Variants in GALNT2 observed in about 807,000 individuals in gnomAD.
GALNT2 encodes UDP-GalNAc:polypeptide N-acetylgalactosaminyltransferase 2.
Under a neutral mutation model 81.4 loss-of-function variants are expected in GALNT2, and 31 were observed. That is an observed-to-expected ratio of 0.38 (90% CI 0.29 to 0.51). GALNT2 has a LOEUF of 0.51. GALNT2 is among the 20% of genes least tolerant of loss of function. The probability of loss-of-function intolerance (pLI) is 0.87; values close to 1 mark genes in which losing one functional copy is unlikely to be tolerated. For synonymous variants in GALNT2, 303 were observed against 287.4 expected (o/e 1.05, Z -0.55); for missense variants, 629 against 765.7 (o/e 0.82, Z 2.11).
chr1:230,158,909 C>T (rs1662344761), intron 1 of GALNT2, among the ~76,000 whole-genome samples: 1 of 149,844 alleles, frequency 6.7e-6, no homozygotes, highest in Admixed American at 6.6e-5. Context: ...GAACCTTGGA[C>T]CTAGTGTGTC....
rs1358334705 is a variant in GALNT2 at position 230,243,528 on chromosome 1, C to T, written c.729+101C>T. 9.7e-6 allele frequency: 14 copies of T among 1,441,040 alleles called. No homozygotes were observed. Among genetic ancestry groups the T allele is most frequent in the South Asian group, 1.3e-5 (1 of 74,878 alleles). The allele number at this position is 1,441,040 out of a possible 1,614,324, so 89.3% of individuals were successfully genotyped here. On this transcript the variant is annotated intron_variant, in intron 7 of 15. Coordinates refer to ENST00000366672, the MANE Select transcript of GALNT2 (RefSeq NM_004481.5). This position sits in a 1 kb window ranked among gnomAD's most constrained non-coding sequence, Gnocchi z 4.2. ...GGGAGGTGTAACGCAGGGAGTAGGG[C>T]GTCAGGGCTGGTAGGGGCTGAGCTC...
intron 2 of GALNT2, among the ~76,000 whole-genome samples, chr1:230,188,268 A>G (rs1283687108): frequency 2.6e-5 from 4 of 152,198 alleles, no homozygotes; most frequent in African/African-American, 9.7e-5. Context: ...TTATTGTTTT[A>G]ACTCTATTTC....
At chr1:230,136,531 C>T (rs1055862032) in intron 1 of GALNT2, among the ~76,000 whole-genome samples, 3 of 152,168 alleles carry the variant, frequency 2.0e-5, no homozygotes, top group African/African-American at 7.2e-5. Context: ...CCTCACTGCC[C>T]CCCATCCAGA....
At chr1:230,082,841 G>C (rs1366418528) in intron 1 of GALNT2, among the ~76,000 whole-genome samples, 1 of 152,216 alleles carries the variant, frequency 6.6e-6, no homozygotes, top group Non-Finnish European at 1.5e-5. Flanking sequence ...GACAGCTGTG[G>C]ATGGAGCAGG....
At chr1:230,136,534 C>T (rs1180644240) in intron 1 of GALNT2, among the ~76,000 whole-genome samples, 1 of 152,202 alleles carries the variant, frequency 6.6e-6, no homozygotes, top group Non-Finnish European at 1.5e-5. Context: ...CACTGCCCCC[C>T]ATCCAGAGCC....
chr1:230,104,233 A>G (rs1660477500), intron 1 of GALNT2, among the ~76,000 whole-genome samples: 1 of 152,174 alleles, frequency 6.6e-6, no homozygotes, highest in Non-Finnish European at 1.5e-5. Flanking sequence ...TTTATTTGGC[A>G]TAGAGCTCCC....
chr1:230,193,443 A>C lies in GALNT2; in HGVS notation c.221-9694A>C, dbSNP rs900539726. 1.3e-5 allele frequency among the ~76,000 whole-genome samples: 2 copies of C among 152,128 alleles called. No individual in the cohort carries two copies. The highest frequency in any genetic ancestry group is 4.8e-5 in the African/African-American group (2 of 41,418). Reference sequence around the variant, plus strand: ...AGTCCTCTAAAGACCGCATTTGTGCATGTGCCTGTGCGTGAGCCTCTGTGT... The same window carrying C: ...AGTCCTCTAAAGACCGCATTTGTGCCTGTGCCTGTGCGTGAGCCTCTGTGT... On this transcript the variant is annotated intron_variant, in intron 2 of 15. Coordinates refer to ENST00000366672, the MANE Select transcript of GALNT2 (RefSeq NM_004481.5). The surrounding 1 kb of genome is among the most constrained non-coding windows in gnomAD (Gnocchi z 4.3).
At chr1:230,260,066 T>C (rs1292908335) in intron 11 of GALNT2, among the ~76,000 whole-genome samples, 1 of 152,238 alleles carries the variant, frequency 6.6e-6, no homozygotes, top group East Asian at 1.9e-4. Flanking sequence ...GTCAATTTTG[T>C]CATTGTTAAA....
intron 1 of GALNT2, among the ~76,000 whole-genome samples, chr1:230,168,914 T>C (rs1300500532): frequency 1.3e-5 from 2 of 152,254 alleles, no homozygotes; most frequent in Non-Finnish European, 2.9e-5. Flanking sequence ...TAATATGTTA[T>C]CCAGAATACC....
intron 1 of GALNT2, among the ~76,000 whole-genome samples, chr1:230,123,340 G>A (rs780582468): frequency 1.3e-5 from 2 of 152,198 alleles, no homozygotes; most frequent in Non-Finnish European, 2.9e-5. Flanking sequence ...GTCTCTGGGG[G>A]CCAACCCGTT....
chr1:230,128,957 A>G (rs1187690259), intron 1 of GALNT2, among the ~76,000 whole-genome samples: 1 of 152,160 alleles, frequency 6.6e-6, no homozygotes, highest in Admixed American at 6.5e-5. Flanking sequence ...GATTTTCTGG[A>G]TTATCAGCAA....
intron 3 of GALNT2, among the ~76,000 whole-genome samples, chr1:230,222,600 T>C (rs1664584048): frequency 6.6e-6 from 1 of 152,196 alleles, no homozygotes; most frequent in African/African-American, 2.4e-5. Flanking sequence ...CTTTTTATCT[T>C]TTTAAACTTA....
intron 2 of GALNT2, among the ~76,000 whole-genome samples, chr1:230,189,221 A>G (rs762488335): frequency 3.3e-5 from 5 of 152,116 alleles, no homozygotes; most frequent in African/African-American, 1.2e-4. Flanking sequence ...CTTAGGAGAG[A>G]CGAGGGTAGG....
Position 230,262,430 on chromosome 1 carries a change from C to T in GALNT2, c.1137-143C>T, listed in dbSNP as rs1008886780. 13 of 681,608 alleles carry T rather than the reference C, an allele frequency of 1.9e-5. No individual in the cohort carries two copies. In the African/African-American group the frequency reaches 2.1e-4, roughly 11 times the overall value. The allele number at this position is 681,608 out of a possible 1,614,324, so 42.2% of individuals were successfully genotyped here. On this transcript the variant is annotated intron_variant, in intron 11 of 15. Coordinates refer to ENST00000366672, the MANE Select transcript of GALNT2 (RefSeq NM_004481.5). ...GAGGTGCTGGTGGGGACAGCCCACC[C>T]TCTGCTGTGTGCCGTGATCCCAGCT...
intron 1 of GALNT2, among the ~76,000 whole-genome samples, chr1:230,159,301 C>T (rs1472868837): frequency 2.6e-5 from 4 of 152,146 alleles, no homozygotes; most frequent in Non-Finnish European, 4.4e-5. Context: ...TCTTTGCACA[C>T]GAAGGCAAAG....
chr1:230,197,439 C>A (rs1663733570), intron 2 of GALNT2, among the ~76,000 whole-genome samples: 1 of 152,166 alleles, frequency 6.6e-6, no homozygotes, highest in Admixed American at 6.5e-5. Context: ...CCCCCGGGGT[C>A]AGTTGCAGAG....
At chr1:230,061,746 A>G (rs1272978041) in intron 1 of GALNT2, among the ~76,000 whole-genome samples, 1 of 151,908 alleles carries the variant, frequency 6.6e-6, no homozygotes, top group South Asian at 2.1e-4. Flanking sequence ...AACCAACTCA[A>G]TTGTTTTCTG....
chr1:230,208,000 T>C (rs1664119295), intron 3 of GALNT2, among the ~76,000 whole-genome samples: 1 of 152,222 alleles, frequency 6.6e-6, no homozygotes, highest in Non-Finnish European at 1.5e-5. Context: ...TGTGTAATGA[T>C]CAAGTCAGGG....
At position 230,178,251 on chromosome 1, in the gene GALNT2, A is replaced by G. The variant is rs1663048909; in HGVS notation, c.160A>G (p.Lys54Glu). ...GAATGAAATTGACCCCATTAAAAAG[A>G]AAGACCTTCATCACAGCAATGGAGA... ...DWNEIDPIKK[K>E]DLHHSNGEEK... Residue 54 changes from lysine to glutamate, a missense_variant, in exon 2 of 16, where the codon AAA becomes GAA. Lys to Glu is a moderately conservative substitution (Grantham distance 56, BLOSUM62 1). Coordinates refer to ENST00000366672, the MANE Select transcript of GALNT2 (RefSeq NM_004481.5). The G allele has an allele frequency of 6.2e-7, 1 of 1,614,128 alleles. No homozygotes were observed. The highest frequency in any genetic ancestry group is 8.5e-7 in the Non-Finnish European group (1 of 1,179,970).
Sources: allele counts gnomAD v4.1 joint callset (sites outside exome capture counted in the v4.1 genomes callset), GRCh38; gene constraint gnomAD v4.1.1; non-coding constraint Gnocchi (gnomAD v3.1); transcripts MANE v1.5; gene names NCBI Gene and HGNC (gene_info 2026-07-23, HGNC 2026-07-21).